NEURL1B: variants seen among roughly 807,000 people sequenced by gnomAD.
The protein encoded by NEURL1B is neuralized E3 ubiquitin protein ligase 1B.
Under a neutral mutation model 37.4 loss-of-function variants are expected in NEURL1B, and 13 were observed. That is an observed-to-expected ratio of 0.35 (90% CI 0.23 to 0.55). NEURL1B has a LOEUF of 0.55. Ranked by LOEUF, NEURL1B falls within the 20% of genes least tolerant of loss-of-function variation. The pLI, the probability that NEURL1B is intolerant of heterozygous loss-of-function variation, is 0.89. For synonymous variants in NEURL1B, 432 were observed against 426.6 expected, an observed-to-expected ratio of 1.01 and a Z score of -0.16; for missense variants, 790 against 879.2, an observed-to-expected ratio of 0.90 and a Z score of 1.28.
chr5:172,674,414 T>G (rs774174225), intron 2 of NEURL1B, among the ~76,000 whole-genome samples: 1 of 152,010 alleles, frequency 6.6e-6, no homozygotes, highest in Non-Finnish European at 1.5e-5. Context: ...GGGTGCCCTT[T>G]CTAGGTAAAG....
intron 1 of NEURL1B, among the ~76,000 whole-genome samples, chr5:172,663,511 A>G (rs1456104423): frequency 8.4e-6 from 1 of 119,732 alleles, no homozygotes; most frequent in African/African-American, 3.7e-5. Flanking sequence ...ACAGAGGAAG[A>G]CTCCATCTCA....
chr5:172,683,653 C>T lies in NEURL1B; in HGVS notation c.812C>T (p.Ser271Leu), dbSNP rs1422178544. The T allele has an allele frequency of 1.6e-6, 2 of 1,260,478 alleles. No homozygotes were observed. Among genetic ancestry groups the T allele is most frequent in the East Asian group, 4.3e-5 (1 of 23,404 alleles). The allele number at this position is 1,260,478 out of a possible 1,614,324, so 78.1% of individuals were successfully genotyped here. A position where few individuals can be genotyped will look rare whatever the true frequency, so the allele number is the denominator to read the frequency against. Reference sequence around the variant, plus strand: ...CCCCGTGAGCGCCCGCGGCCCGCGTCGTCGCCGGCGCTACTGGAGGCCGAC... The same window carrying T: ...CCCCGTGAGCGCCCGCGGCCCGCGTTGTCGCCGGCGCTACTGGAGGCCGAC... ...CGPRERPRPA[S>L]SPALLEADLR... The change falls in exon 3 of 5, where the codon TCG (serine) becomes TTG (leucine). Residue 271 changes from serine (S) to leucine (L), a missense_variant. Ser to Leu is a moderately radical substitution (Grantham distance 145). Coordinates refer to ENST00000369800, the MANE Select transcript of NEURL1B (RefSeq NM_001142651.3). The surrounding 1 kb of genome is among the most constrained non-coding windows in gnomAD (Gnocchi z 5.6).
chr5:172,649,674 A>G (rs1255743936), intron 1 of NEURL1B, among the ~76,000 whole-genome samples: 1 of 151,918 alleles, frequency 6.6e-6, no homozygotes, highest in Admixed American at 6.6e-5. Context: ...CACCCTTCAC[A>G]TCTTTCACTT....
At chr5:172,671,463 C>T (rs1275155848) in intron 2 of NEURL1B, among the ~76,000 whole-genome samples, 1 of 152,208 alleles carries the variant, frequency 6.6e-6, no homozygotes, top group African/African-American at 2.4e-5. Flanking sequence ...CTGAGTCAAG[C>T]CTTCTCTTCT....
intron 1 of NEURL1B, among the ~76,000 whole-genome samples, chr5:172,650,873 G>T (rs1314362243): frequency 1.3e-5 from 2 of 152,180 alleles, no homozygotes; most frequent in Admixed American, 1.3e-4. Context: ...GAATGATGGG[G>T]TGAGTGCTTT....
intron 2 of NEURL1B, among the ~76,000 whole-genome samples, chr5:172,673,912 G>T (rs1758179639): frequency 6.6e-6 from 1 of 152,070 alleles, no homozygotes; most frequent in African/African-American, 2.4e-5. Context: ...GCCGAGGCAG[G>T]CGGATCACCT....
At chr5:172,642,979 A>T (rs1757494601) in intron 1 of NEURL1B, among the ~76,000 whole-genome samples, 1 of 152,234 alleles carries the variant, frequency 6.6e-6, no homozygotes, top group Non-Finnish European at 1.5e-5. Flanking sequence ...TTCTTAATTT[A>T]AAAATGTTTA....
intron 1 of NEURL1B, among the ~76,000 whole-genome samples, chr5:172,649,975 A>C (rs944194920): frequency 6.6e-6 from 1 of 151,816 alleles, no homozygotes; most frequent in Non-Finnish European, 1.5e-5. Flanking sequence ...CAAGGGGGGG[A>C]AAGTTCTTTA....
At position 172,675,057 on chromosome 5, in the gene NEURL1B, A is replaced by G. The variant is rs373578518; in HGVS notation, c.577+4727A>G. Among the ~76,000 whole-genome samples the G allele has an allele frequency of 2.0e-5, 3 of 152,018 alleles. No homozygotes were observed. The highest frequency in any genetic ancestry group is 3.9e-4 in the East Asian group (2 of 5,180). ...GCTAATTTTTGTATTTTTAGTAAAG[A>G]TGGGGTTTCTACTGGGTACCTGTTG... On this transcript the variant is annotated intron_variant, in intron 2 of 4. Coordinates refer to ENST00000369800, the MANE Select transcript of NEURL1B (RefSeq NM_001142651.3). The surrounding 1 kb of genome is among the most constrained non-coding windows in gnomAD (Gnocchi z 4.7).
At chr5:172,650,272 T>C (rs1240438544) in intron 1 of NEURL1B, among the ~76,000 whole-genome samples, 1 of 152,172 alleles carries the variant, frequency 6.6e-6, no homozygotes, top group Non-Finnish European at 1.5e-5. Flanking sequence ...AAGCTTCCCT[T>C]CCCTTAAAGT....
In NEURL1B at chr5:172,670,343, C is replaced by T; in HGVS notation, c.577+13C>T. Reference sequence around the variant, plus strand: ...GTGCAGCTTCTGGGTAGGTCGCGGGCGCGGCGCCCCCTGGGGACCTGGCAG... The same window carrying T: ...GTGCAGCTTCTGGGTAGGTCGCGGGTGCGGCGCCCCCTGGGGACCTGGCAG... On this transcript the variant is annotated intron_variant, in intron 2 of 4. Transcript: ENST00000369800. The T allele has an allele frequency of 1.5e-6, 2 of 1,345,066 alleles. No homozygotes were observed. Among genetic ancestry groups the T allele is most frequent in the Middle Eastern group, 1.9e-4 (1 of 5,204 alleles). The allele number at this position is 1,345,066 out of a possible 1,614,324, so 83.3% of individuals were successfully genotyped here.
chr5:172,672,023 C>A (rs893571780), intron 2 of NEURL1B, among the ~76,000 whole-genome samples: 1 of 152,258 alleles, frequency 6.6e-6, no homozygotes, highest in African/African-American at 2.4e-5. Context: ...CACAAGATAG[C>A]ACCCACCTCA....
At chr5:172,642,999 A>C (rs1294468701) in intron 1 of NEURL1B, among the ~76,000 whole-genome samples, 1 of 152,246 alleles carries the variant, frequency 6.6e-6, no homozygotes, top group Non-Finnish European at 1.5e-5. Context: ...ATACTATTCT[A>C]GTAAAAAGCC....
chr5:172,680,511 G>A (rs1179410833), intron 2 of NEURL1B, among the ~76,000 whole-genome samples: 1 of 152,218 alleles, frequency 6.6e-6, no homozygotes, highest in Non-Finnish European at 1.5e-5. Context: ...GCATTGCACC[G>A]ACACTTCCAG....
chr5:172,656,072 T>TG, intron 1 of NEURL1B, among the ~76,000 whole-genome samples: 1 of 152,244 alleles, frequency 6.6e-6, no homozygotes, highest in Non-Finnish European at 1.5e-5. Flanking sequence ...ATGTGGCCCC[T>TG]GCTGCTGTGT....
intron 1 of NEURL1B, among the ~76,000 whole-genome samples, chr5:172,650,339 C>A (rs1757638276): frequency 6.6e-6 from 1 of 152,166 alleles, no homozygotes; most frequent in African/African-American, 2.4e-5. Context: ...TCTGCAGGAA[C>A]TTCAGCCCTG....
intron 1 of NEURL1B, among the ~76,000 whole-genome samples, chr5:172,667,717 C>A (rs1399672262): frequency 6.6e-6 from 1 of 152,138 alleles, no homozygotes; most frequent in Non-Finnish European, 1.5e-5. Flanking sequence ...TTGCCACCGC[C>A]TCCCAGCAGT....
Position 172,672,515 on chromosome 5 carries a change from T to C in NEURL1B, c.577+2185T>C, listed in dbSNP as rs563262723. Among the ~76,000 whole-genome samples the C allele has an allele frequency of 3.4e-5, 5 of 149,024 alleles. No homozygotes were observed. In the East Asian group the frequency reaches 5.9e-4, roughly 18 times the overall value. Reference sequence around the variant, plus strand: ...AGCAGCCTTTGATGACTTAATGAGATTGCATAAATCTGTGAGGTGAACTCT... The same window carrying C: ...AGCAGCCTTTGATGACTTAATGAGACTGCATAAATCTGTGAGGTGAACTCT... On this transcript the variant is annotated intron_variant, in intron 2 of 4. Transcript: ENST00000369800.
chr5:172,683,550 A>C lies in NEURL1B; in HGVS notation c.709A>C (p.Lys237Gln), dbSNP rs1279478139. 6.8e-7 allele frequency: 1 copy of C among 1,481,170 alleles called. No homozygotes were observed. The highest frequency in any genetic ancestry group is 2.2e-5 in the Admixed American group (1 of 45,362). 91.8% of individuals were successfully genotyped at this position (1,481,170 alleles called of 1,614,324 possible). ...GCTCGAGAACAACCAGGTGGTGGCC[A>C]AGCTGGGCCACCTGGCGCTGGGCCG... ...NELENNQVVA[K>Q]LGHLALGRAP... Residue 237 changes from lysine (K) to glutamine (Q), a missense_variant, in exon 3 of 5, where the codon AAG becomes CAG. Physicochemically the swap from Lys to Gln is moderately conservative, Grantham distance 53 (BLOSUM62 1). Transcript: ENST00000369800. This position sits in a 1 kb window ranked among gnomAD's most constrained non-coding sequence, Gnocchi z 5.6.
Sources: gnomAD v4.1 joint callset for allele counts (sites outside exome capture counted in the v4.1 genomes callset) on GRCh38, gnomAD v4.1.1 for gene constraint, Gnocchi (gnomAD v3.1) non-coding constraint, MANE v1.5 for transcripts, NCBI Gene and HGNC (gene_info 2026-07-23, HGNC 2026-07-21) for gene names.